TMEM74: variants seen among roughly 807,000 people sequenced by gnomAD.
TMEM74 encodes transmembrane protein 74.
In TMEM74, 13 loss-of-function variants were observed where a neutral mutation model predicts 18.1. The ratio of observed to expected loss-of-function variants is 0.72; its 90% CI spans 0.47 to 1.14. The LOEUF (loss-of-function observed/expected upper bound fraction) is 1.14. Among genes scored for constraint, TMEM74 ranks in the 50% most tolerant of loss-of-function variants. The pLI is 0.00. For missense variants in TMEM74, 372 were observed against 375.9 expected, an observed-to-expected ratio of 0.99 and a Z score of 0.09; for synonymous variants, 159 against 146.6, an observed-to-expected ratio of 1.08 and a Z score of -0.61.
chr8:108,651,926 AC>A (rs1465943482), intron 2 of TMEM74, among the ~76,000 whole-genome samples: 1 of 151,960 alleles, frequency 6.6e-6, no homozygotes, highest in African/African-American at 2.4e-5. Flanking sequence ...ACCCAGTGTT[AC>A]GACCATGTGT....
intron 1 of TMEM74, among the ~76,000 whole-genome samples, chr8:108,741,179 T>C (rs994004998): frequency 2.0e-5 from 3 of 152,170 alleles, no homozygotes; most frequent in Non-Finnish European, 4.4e-5. Flanking sequence ...AGAAAACTAC[T>C]TTAAAAAAAT....
chr8:108,741,390 A>G (rs1444535379), intron 1 of TMEM74, among the ~76,000 whole-genome samples: 1 of 152,204 alleles, frequency 6.6e-6, no homozygotes. Context: ...ACATAGTAAA[A>G]CACTTTTAAA....
intron 1 of TMEM74, among the ~76,000 whole-genome samples, chr8:108,655,699 G>C (rs1812814849): frequency 6.6e-6 from 1 of 152,006 alleles, no homozygotes; most frequent in East Asian, 1.9e-4. Context: ...TTCTTCATAG[G>C]CATCAACATC....
Position 108,752,018 on chromosome 8 carries a change from G to A in TMEM74, n.119+35458C>T, listed in dbSNP as rs1251860548. ...GACTATGGTCGTGAACATGACAACA[G>A]TGCCTGGGCAATCAATTAATGTTGT... On this transcript the variant is annotated intron_variant and non_coding_transcript_variant, in intron 1 of 3. Transcript: ENST00000518838. Among the ~76,000 whole-genome samples, 3 of 151,160 alleles carry A rather than the reference G, an allele frequency of 2.0e-5. No homozygotes were observed. The Admixed American group carries it at 2.0e-4, about 10-fold the overall frequency.
At chr8:108,610,495 C>T (rs1228598908) in intron 2 of TMEM74, among the ~76,000 whole-genome samples, 1 of 151,968 alleles carries the variant, frequency 6.6e-6, no homozygotes, top group Non-Finnish European at 1.5e-5. Flanking sequence ...TATAATAGAT[C>T]AAGTAGTGAT....
intron 1 of TMEM74, among the ~76,000 whole-genome samples, chr8:108,692,254 G>T (rs1361386819): frequency 6.6e-6 from 1 of 152,174 alleles, no homozygotes; most frequent in African/African-American, 2.4e-5. Context: ...ACTAGCAAAG[G>T]TTAACAGAAA....
rs6150751 is a variant in TMEM74, at chr8:108,659,254, A to AACACACACACACACAAACACACACAC, written n.120-3818_120-3817insGTGTGTGTGTTTGTGTGTGTGTGTGT. On this transcript the variant is annotated intron_variant and non_coding_transcript_variant, in intron 1 of 3. Transcript: ENST00000518838. The stretch of plus-strand genomic sequence containing the variant: ...GTGTGGCCTTTATAGATAGCCCACT[A>AACACACACACACACAAACACACACAC]ACACACACACACATACAGACACACA... Among the ~76,000 whole-genome samples the AACACACACACACACAAACACACACAC allele has an allele frequency of 5.4e-3, 807 of 149,842 alleles. 10 individuals are homozygous for AACACACACACACACAAACACACACAC. Among genetic ancestry groups the AACACACACACACACAAACACACACAC allele is most frequent in the African/African-American group, 0.018 (722 of 40,686 alleles).
rs910061127 is a variant in TMEM74 at position 108,779,760 on chromosome 8, T to G, written c.*4421A>C. Among the ~76,000 whole-genome samples, 5 of 152,200 alleles carry G rather than the reference T, an allele frequency of 3.3e-5. No individual in the cohort carries two copies. The highest frequency in any genetic ancestry group is 5.9e-5 in the Non-Finnish European group (4 of 68,028). On this transcript the variant is annotated 3_prime_UTR_variant, in exon 2 of 2. Transcript: ENST00000297459. ...CTATAAAATATAGTCCAAATGCACA[T>G]AGACTTGAGTGCACATAAATCTGCA...
chr8:108,612,982 G>A (rs1351973812), intron 2 of TMEM74, among the ~76,000 whole-genome samples: 3 of 152,012 alleles, frequency 2.0e-5, no homozygotes, highest in Non-Finnish European at 4.4e-5. Flanking sequence ...CTGCCACTTT[G>A]CTACCCAGCC....
Position 108,706,534 on chromosome 8 carries a change from T to C in TMEM74, n.120-51097A>G, listed in dbSNP as rs1813397626. ...AATGTTTATTGAATTGAATTGCACA[T>C]TGAAGGTGGTGGGAATCATTGACCC... On this transcript the variant is annotated intron_variant and non_coding_transcript_variant, in intron 1 of 3. Coordinates refer to the TMEM74 transcript ENST00000518838. Among the ~76,000 whole-genome samples the C allele has an allele frequency of 2.0e-5, 3 of 152,310 alleles. No homozygotes were observed. In the Middle Eastern group the frequency reaches 0.01, roughly 518 times the overall value.
chr8:108,718,789 T>C (rs1475336987), intron 1 of TMEM74, among the ~76,000 whole-genome samples: 1 of 152,104 alleles, frequency 6.6e-6, no homozygotes, highest in African/African-American at 2.4e-5. Flanking sequence ...ATTTGAAACA[T>C]GGTATCGATA....
intron 1 of TMEM74, among the ~76,000 whole-genome samples, chr8:108,670,950 G>T (rs1209548146): frequency 6.6e-6 from 1 of 152,046 alleles, no homozygotes. Flanking sequence ...TAATAAAAAG[G>T]CACACTAGAG....
intron 1 of TMEM74, among the ~76,000 whole-genome samples, chr8:108,724,983 C>T (rs532734504): frequency 2.0e-4 from 30 of 152,320 alleles, no homozygotes; most frequent in African/African-American, 6.5e-4. Flanking sequence ...ACAGTCTGGC[C>T]TCTGCCAACC....
intron 1 of TMEM74, among the ~76,000 whole-genome samples, chr8:108,675,252 T>C (rs1336189001): frequency 1.3e-5 from 2 of 152,198 alleles, no homozygotes; most frequent in Admixed American, 6.5e-5. Flanking sequence ...CTTGTACTTG[T>C]ATTTGAACTT....
In TMEM74 at chr8:108,709,474, T is replaced by C. The variant is rs190596193; in HGVS notation, n.120-54037A>G. 8.5e-5 allele frequency among the ~76,000 whole-genome samples: 13 copies of C among 152,248 alleles called. No individual in the cohort carries two copies. In the East Asian group the frequency reaches 1.7e-3, roughly 20 times the overall value. On this transcript the variant is annotated intron_variant and non_coding_transcript_variant, in intron 1 of 3. Transcript: ENST00000518838. ...TTCTACTTACATGAGGTATCTAATA[T>C]AGTCAAACTCTTAGAAACAGAGAAT...
At chr8:108,634,259 T>C (rs1186812353) in intron 2 of TMEM74, among the ~76,000 whole-genome samples, 1 of 151,896 alleles carries the variant, frequency 6.6e-6, no homozygotes, top group East Asian at 1.9e-4. Context: ...CCCCAAAAAA[T>C]GGCATTTATA....
Position 108,751,080 on chromosome 8 carries a change from C to A in TMEM74, n.119+36396G>T, listed in dbSNP as rs75498741. 8.1e-3 allele frequency among the ~76,000 whole-genome samples: 1,228 copies of A among 152,190 alleles called. 18 individuals are homozygous for A. The highest frequency in any genetic ancestry group is 0.028 in the African/African-American group (1,178 of 41,542). ...ACCTGGATACCTTCCACCGGTAACG[C>A]GTTCATGGACTTTAGAGTCTAGCAA... On this transcript the variant is annotated intron_variant and non_coding_transcript_variant, in intron 1 of 3. Coordinates refer to the TMEM74 transcript ENST00000518838.
chr8:108,620,317 T>C (rs1563733746), intron 2 of TMEM74, among the ~76,000 whole-genome samples: 1 of 152,082 alleles, frequency 6.6e-6, no homozygotes, highest in Non-Finnish European at 1.5e-5. Context: ...TTCCAGGAGG[T>C]TAATACAACA....
chr8:108,647,913 G>A (rs556746676), intron 2 of TMEM74, among the ~76,000 whole-genome samples: 174 of 152,204 alleles, frequency 1.1e-3, no homozygotes, highest in African/African-American at 4.0e-3. Context: ...TTTCCTGGAG[G>A]TATACATATC....
Sources: gnomAD v4.1 joint callset for allele counts (sites outside exome capture counted in the v4.1 genomes callset) on GRCh38, gnomAD v4.1.1 for gene constraint, MANE v1.5 for transcripts, NCBI Gene and HGNC (gene_info 2026-07-23, HGNC 2026-07-21) for gene names.